The following SLC16A2 variants were observed in gnomAD, a reference collection of about 807,000 sequenced individuals.
The protein encoded by SLC16A2 is monocarboxylate transporter 8.
In SLC16A2, 3 loss-of-function variants were observed where a neutral mutation model predicts 27.2. The observed-to-expected ratio is 0.11, with a 90% CI of 0.05 to 0.28. SLC16A2 has a LOEUF of 0.28. Ranked by LOEUF, SLC16A2 falls within the 10% of genes least tolerant of loss-of-function variation. The pLI is 1.00. For synonymous variants in SLC16A2, 202 were observed against 187.8 expected (o/e 1.08, Z -0.62); for missense variants, 295 against 458.5 (o/e 0.64, Z 3.26).
intron 1 of SLC16A2, among the ~76,000 whole-genome samples, chrX:74,518,664 C>T (rs1182091579): frequency 1.8e-5 from 2 of 111,271 alleles, no homozygotes; most frequent in Non-Finnish European, 3.8e-5. Flanking sequence ...TTTTAATATG[C>T]GTTTCTCAAC....
chrX:74,489,805 C>T (rs1569293885), intron 1 of SLC16A2, among the ~76,000 whole-genome samples: 1 of 110,617 alleles, frequency 9.0e-6, no homozygotes, highest in African/African-American at 3.3e-5. Context: ...CTAAATAGCC[C>T]TACATTTGCC....
intron 1 of SLC16A2, among the ~76,000 whole-genome samples, chrX:74,436,097 T>C (rs149231072): frequency 3.9e-4 from 43 of 110,845 alleles, no homozygotes; most frequent in African/African-American, 1.4e-3. Context: ...CCTCTCAAAT[T>C]TGAGCAAAGG....
chrX:74,421,709 G>A lies in SLC16A2; in HGVS notation c.72G>A (p.Glu24=). The A allele has an allele frequency of 8.4e-7, 1 of 1,185,136 alleles. No individual in the cohort carries two copies. Among genetic ancestry groups the A allele is most frequent in the Non-Finnish European group, 1.1e-6 (1 of 884,354 alleles). The change falls in exon 1 of 6, where the codon GAG becomes GAA. Residue 24 remains glutamate (E), a synonymous_variant. Transcript: ENST00000587091. ...AGGAGGCAGACCAGGAACAGCAGGA[G>A]CCGGTGGGTAGCCCAGAGCCGGAGT... ...PWQEADQEQQ[E]PVGSPEPESE...
intron 1 of SLC16A2, among the ~76,000 whole-genome samples, chrX:74,449,781 C>T (rs1217583368): frequency 8.9e-6 from 1 of 111,839 alleles, no homozygotes; most frequent in African/African-American, 3.3e-5. Context: ...TGTGGTTTCT[C>T]TAACTGTAAA....
At chrX:74,428,984 G>A (rs1173406981) in intron 1 of SLC16A2, among the ~76,000 whole-genome samples, 2 of 110,812 alleles carry the variant, frequency 1.8e-5, no homozygotes, top group Non-Finnish European at 3.8e-5. Context: ...TTGAGCCCCT[G>A]ACATCTATTT....
At chrX:74,461,192 G>A (rs372537019) in intron 1 of SLC16A2, among the ~76,000 whole-genome samples, 2 of 111,923 alleles carry the variant, frequency 1.8e-5, no homozygotes, top group East Asian at 2.8e-4. Flanking sequence ...TGGACTGAGA[G>A]TCAGAGAAAT....
chrX:74,456,467 T>C (rs747625683), intron 1 of SLC16A2, among the ~76,000 whole-genome samples: 2 of 111,519 alleles, frequency 1.8e-5, no homozygotes, highest in Admixed American at 9.6e-5. Flanking sequence ...ACACTTGAGC[T>C]GTCATTATTA....
chrX:74,530,078 C>A (rs1407806299), intron 5 of SLC16A2, among the ~76,000 whole-genome samples: 2 of 93,396 alleles, frequency 2.1e-5, no homozygotes, highest in Admixed American at 2.5e-4. Flanking sequence ...ACTCCAATTT[C>A]TTTTCTTTTC....
intron 1 of SLC16A2, among the ~76,000 whole-genome samples, chrX:74,475,738 A>G (rs1047538553): frequency 3.6e-5 from 4 of 111,811 alleles, no homozygotes; most frequent in Non-Finnish European, 7.5e-5. Flanking sequence ...TAAATAGGGA[A>G]TCCTTTCCCC....
At chrX:74,520,756 C>A (rs1930392751) in intron 1 of SLC16A2, among the ~76,000 whole-genome samples, 1 of 111,827 alleles carries the variant, frequency 8.9e-6, no homozygotes, top group East Asian at 2.8e-4. Context: ...GGCTTAGCAT[C>A]CCTGGAAAGG....
intron 1 of SLC16A2, among the ~76,000 whole-genome samples, chrX:74,480,788 C>T (rs998146256): frequency 4.5e-5 from 5 of 112,226 alleles, no homozygotes; most frequent in African/African-American, 1.6e-4. Flanking sequence ...ATAGATATGA[C>T]AGCAAACATT....
At chrX:74,437,358 T>C (rs973396443) in intron 1 of SLC16A2, among the ~76,000 whole-genome samples, 1 of 112,528 alleles carries the variant, frequency 8.9e-6, no homozygotes, top group East Asian at 2.8e-4. Flanking sequence ...GAGGCTCTTT[T>C]GCCTCCACAT....
At chrX:74,500,896 T>A (rs1362025518) in intron 1 of SLC16A2, among the ~76,000 whole-genome samples, 1 of 110,572 alleles carries the variant, frequency 9.0e-6, no homozygotes, top group African/African-American at 3.3e-5. Flanking sequence ...TTATAAATAT[T>A]GTCCCATTCT....
intron 1 of SLC16A2, among the ~76,000 whole-genome samples, chrX:74,422,835 G>A (rs1006733186): frequency 5.1e-4 from 57 of 112,711 alleles, no homozygotes; most frequent in Non-Finnish European, 8.8e-4. Flanking sequence ...GCCGCAGGCA[G>A]GCTGGGCCCT....
At chrX:74,455,355 A>T (rs1929024147) in intron 1 of SLC16A2, among the ~76,000 whole-genome samples, 1 of 111,564 alleles carries the variant, frequency 9.0e-6, no homozygotes. Context: ...GTTAAGTGAC[A>T]GTGTAAGATT....
At position 74,531,715 on chromosome X, in the gene SLC16A2, A is replaced by G. The variant is rs1329238905; in HGVS notation, c.*162A>G. ...GGAGTCAAAGCTCCAGGTGTTCCAA[A>G]CTCATTAACTAAATTCTCCCCAGAA... is the stretch of plus-strand genomic sequence containing the variant. On this transcript the variant is annotated 3_prime_UTR_variant, in exon 6 of 6. Coordinates refer to ENST00000587091, the MANE Select transcript of SLC16A2 (RefSeq NM_006517.5). 13 of 500,097 alleles carry G rather than the reference A, an allele frequency of 2.6e-5. No homozygotes were observed. Among genetic ancestry groups the G allele is most frequent in the Non-Finnish European group, 4.3e-5 (12 of 279,541 alleles). 41.2% of individuals were successfully genotyped at this position (500,097 alleles called of 1,213,427 possible).
At chrX:74,524,876 C>T in intron 3 of SLC16A2, 67 bp downstream of exon 3, 1 of 982,404 alleles carries the variant, frequency 1.0e-6, no homozygotes, top group Non-Finnish European at 1.4e-6. Flanking sequence ...TGCCTAGATT[C>T]CAGAGGGTGG....
chrX:74,426,786 T>A (rs1377741379), intron 1 of SLC16A2, among the ~76,000 whole-genome samples: 2 of 112,598 alleles, frequency 1.8e-5, no homozygotes, highest in African/African-American at 6.4e-5. Flanking sequence ...TAAATAAAAG[T>A]TCGTTAAGCT....
chrX:74,429,657 A>C (rs1216300235), intron 1 of SLC16A2, among the ~76,000 whole-genome samples: 1 of 111,715 alleles, frequency 9.0e-6, no homozygotes, highest in Admixed American at 9.5e-5. Context: ...GCTTATCCAG[A>C]CTGGAAGGAT....
Sources: gnomAD v4.1 joint callset for allele counts (sites outside exome capture counted in the v4.1 genomes callset) on GRCh38, gnomAD v4.1.1 for gene constraint, MANE v1.5 for transcripts, NCBI Gene and HGNC (gene_info 2026-07-23, HGNC 2026-07-21) for gene names.